CPVL: variants seen among roughly 807,000 people sequenced by gnomAD.
CPVL encodes probable serine carboxypeptidase CPVL.
A neutral mutation model predicts 63.7 loss-of-function variants in CPVL; 51 were observed. The observed-to-expected ratio is 0.80, with a 90% CI of 0.64 to 1.01. The LOEUF is 1.01. CPVL is among the 50% of genes least tolerant of loss of function. The pLI, the probability that CPVL is intolerant of heterozygous loss-of-function variation, is 0.00. For synonymous variants in CPVL, 195 were observed against 206.0 expected, an observed-to-expected ratio of 0.95 and a Z score of 0.46; for missense variants, 530 against 573.1, an observed-to-expected ratio of 0.92 and a Z score of 0.77.
chr7:29,041,812 A>G (rs1789120388), intron 11 of CPVL, among the ~76,000 whole-genome samples: 1 of 149,574 alleles, frequency 6.7e-6, no homozygotes, highest in African/African-American at 2.6e-5. Flanking sequence ...GACTCAGTAC[A>G]AAGAAAAGAA....
chr7:29,144,208 C>T (rs115837948), intron 1 of CPVL, among the ~76,000 whole-genome samples: 1,603 of 152,220 alleles, frequency 0.011, 30 homozygotes, highest in African/African-American at 0.037. Context: ...ATAAAGCCAT[C>T]GGAAATGGTA....
intron 12 of CPVL, among the ~76,000 whole-genome samples, chr7:29,017,103 C>G (rs1334280854): frequency 6.6e-6 from 1 of 152,174 alleles, no homozygotes; most frequent in African/African-American, 2.4e-5. Flanking sequence ...TGTTCCCATT[C>G]TGGTTTCTCT....
chr7:29,015,674 T>C (rs1014085184), intron 12 of CPVL, among the ~76,000 whole-genome samples: 17 of 152,110 alleles, frequency 1.1e-4, no homozygotes, highest in African/African-American at 3.9e-4. Flanking sequence ...GGTATTTCCT[T>C]ATAGCAGTAC....
In CPVL at chr7:29,054,792, C is replaced by CTT. The variant is rs372602283; in HGVS notation, c.1137+9267_1137+9268dup. On this transcript the variant is annotated intron_variant, in intron 11 of 12. Coordinates refer to ENST00000265394, the MANE Select transcript of CPVL (RefSeq NM_031311.5). ...TAATGCCTCTTAATCTCCCTTCAAACTTTTTATCTTTTCTTCCTGTGTTCC... is the reference window on the plus strand; with the variant it reads ...TAATGCCTCTTAATCTCCCTTCAAACTTTTTTTATCTTTTCTTCCTGTGTTCC... Among the ~76,000 whole-genome samples, 524 of 152,248 alleles carry CTT rather than the reference C, an allele frequency of 3.4e-3. 4 individuals carry two copies. The highest frequency in any genetic ancestry group is 0.012 in the African/African-American group (500 of 41,562).
At chr7:29,162,294 A>G (rs1795284289) in intron 5 of CPVL, among the ~76,000 whole-genome samples, 2 of 152,218 alleles carry the variant, frequency 1.3e-5, no homozygotes, top group African/African-American at 4.8e-5. Context: ...ACACACAACC[A>G]TATAGTAGAA....
chr7:29,115,834 G>A (rs1484307076), intron 2 of CPVL, among the ~76,000 whole-genome samples: 10 of 152,126 alleles, frequency 6.6e-5, no homozygotes, highest in African/African-American at 2.4e-4. Flanking sequence ...AGGAAAGGAT[G>A]ATTCAATCAA....
chr7:29,172,506 G>A (rs1189347392), intron 5 of CPVL, among the ~76,000 whole-genome samples: 1 of 152,136 alleles, frequency 6.6e-6, no homozygotes, highest in African/African-American at 2.4e-5. Context: ...TCAGATTCAG[G>A]AAAACCATTG....
At chr7:29,149,545 G>C (rs79470360), upstream of CPVL, among the ~76,000 whole-genome samples, 7,299 of 152,234 alleles carry the variant, frequency 0.048, 248 homozygotes, top group Middle Eastern at 0.071. Flanking sequence ...AAATAGTACA[G>C]AACAGAATAG....
chr7:29,125,385 C>T (rs6964735), intron 1 of CPVL, among the ~76,000 whole-genome samples: 3,098 of 136,498 alleles, frequency 0.023, 124 homozygotes, highest in African/African-American at 0.08. Context: ...TCCACTCTCC[C>T]GTCTTTTTTT....
intron 1 of CPVL, among the ~76,000 whole-genome samples, chr7:29,129,074 C>T (rs1486907416): frequency 6.6e-6 from 1 of 152,190 alleles, no homozygotes; most frequent in African/African-American, 2.4e-5. Context: ...CTGATTTACA[C>T]TGTGACATGA....
At chr7:29,062,475 A>T (rs1354400218) in intron 11 of CPVL, among the ~76,000 whole-genome samples, 1 of 152,262 alleles carries the variant, frequency 6.6e-6, no homozygotes, top group Non-Finnish European at 1.5e-5. Flanking sequence ...TAAGTATTTC[A>T]TCAAGTTTTG....
chr7:29,095,993 A>C (rs1786365629), intron 4 of CPVL, 110 bp downstream of exon 4: 1 of 873,984 alleles, frequency 1.1e-6, no homozygotes, highest in Non-Finnish European at 1.9e-6. Context: ...GATAATCTGG[A>C]ACGGTTAAGC....
intron 12 of CPVL, among the ~76,000 whole-genome samples, chr7:29,007,134 TG>T (rs1785273188): frequency 6.6e-6 from 1 of 152,186 alleles, no homozygotes; most frequent in African/African-American, 2.4e-5. Context: ...TTTCAATAGA[TG>T]ATTAAAAACC....
At chr7:29,044,100 G>A (rs1789390108) in intron 11 of CPVL, among the ~76,000 whole-genome samples, 1 of 152,034 alleles carries the variant, frequency 6.6e-6, no homozygotes. Context: ...GACCAAATCA[G>A]CCCCCTAGGA....
chr7:29,120,813 C>A (rs1465423496), intron 2 of CPVL, 80 bp downstream of exon 2: 1 of 1,297,364 alleles, frequency 7.7e-7, no homozygotes, highest in Non-Finnish European at 1.1e-6. Flanking sequence ...GGCGAGACTT[C>A]GTCTCAAAAA....
chr7:29,137,291 G>A (rs922305885), intron 1 of CPVL, among the ~76,000 whole-genome samples: 1 of 152,134 alleles, frequency 6.6e-6, no homozygotes, highest in Non-Finnish European at 1.5e-5. Flanking sequence ...GGGAAATCTG[G>A]CCCTCCGTGG....
intron 12 of CPVL, among the ~76,000 whole-genome samples, chr7:29,026,870 G>A (rs1321575211): frequency 6.6e-6 from 1 of 152,092 alleles, no homozygotes. Context: ...ACAAAGGAAA[G>A]TCTAGACTGG....
intron 2 of CPVL, chr7:29,113,055 C>A: frequency 2.4e-6 from 1 of 425,496 alleles, no homozygotes; most frequent in South Asian, 5.1e-5. Flanking sequence ...GGAGGGGTGC[C>A]CAAATATATT....
intron 12 of CPVL, among the ~76,000 whole-genome samples, chr7:29,005,110 G>A (rs1420645810): frequency 3.3e-5 from 5 of 151,892 alleles, no homozygotes; most frequent in South Asian, 2.1e-4. Flanking sequence ...ATGTTCCCCA[G>A]GCTGGTCTCA....
Sources: gnomAD v4.1 joint callset for allele counts (sites outside exome capture counted in the v4.1 genomes callset) on GRCh38, gnomAD v4.1.1 for gene constraint, MANE v1.5 for transcripts, NCBI Gene and HGNC (gene_info 2026-07-23, HGNC 2026-07-21) for gene names.